The following ASIC2 variants were observed in gnomAD, a reference collection of about 807,000 sequenced individuals.
ASIC2 encodes acid-sensing ion channel 2.
Under a neutral mutation model 57.3 loss-of-function variants are expected in ASIC2, and 25 were observed. That is an observed-to-expected ratio of 0.44 (90% CI 0.32 to 0.61). ASIC2 has a LOEUF of 0.61. Among genes scored for constraint, ASIC2 ranks in the 20% least tolerant of loss-of-function variants. The pLI is 0.06. For synonymous variants in ASIC2, 319 were observed against 307.5 expected, an observed-to-expected ratio of 1.04 and a Z score of -0.39; for missense variants, 641 against 738.1, an observed-to-expected ratio of 0.87 and a Z score of 1.52.
At chr17:33,634,241 C>G (rs17782997) in intron 1 of ASIC2, among the ~76,000 whole-genome samples, 1 of 152,156 alleles carries the variant, frequency 6.6e-6, no homozygotes, top group South Asian at 2.1e-4. Flanking sequence ...TGTCTGGGCT[C>G]CAGATTTCAG....
rs150987033 is a variant in ASIC2, at chr17:33,345,831, T to C, written c.556-233764A>G. The stretch of plus-strand genomic sequence containing the variant: ...TGGGTGCTTGCATGGAGACCAGGAA[T>C]GAAAGGCACCAAAAATGAAAGCCAG... On this transcript the variant is annotated intron_variant, in intron 1 of 9. Coordinates refer to the ASIC2 transcript ENST00000359872. 3.8e-3 allele frequency among the ~76,000 whole-genome samples: 580 copies of C among 152,158 alleles called. 7 individuals are homozygous for C. Among genetic ancestry groups the C allele is most frequent in the Non-Finnish European group, 4.5e-3 (304 of 67,994 alleles).
intron 1 of ASIC2, among the ~76,000 whole-genome samples, chr17:33,991,045 C>T (rs1905986524): frequency 6.6e-6 from 1 of 152,180 alleles, no homozygotes; most frequent in Admixed American, 6.5e-5. Flanking sequence ...ACTCAAACAG[C>T]TTCTAAACCA....
At chr17:33,397,991 A>G (rs879528850) in intron 1 of ASIC2, among the ~76,000 whole-genome samples, 1 of 152,208 alleles carries the variant, frequency 6.6e-6, no homozygotes, top group Non-Finnish European at 1.5e-5. Context: ...AAAATCTTAG[A>G]GTGTGAAGTT....
chr17:33,715,484 G>A (rs1185122390), intron 1 of ASIC2, among the ~76,000 whole-genome samples: 1 of 152,164 alleles, frequency 6.6e-6, no homozygotes, highest in Admixed American at 6.5e-5. Context: ...GCTGTGTGGA[G>A]CAAAGCACAC....
intron 1 of ASIC2, among the ~76,000 whole-genome samples, chr17:33,309,277 A>G (rs1374191376): frequency 6.6e-6 from 1 of 151,986 alleles, no homozygotes; most frequent in Non-Finnish European, 1.5e-5. Flanking sequence ...CTTTTTCTTC[A>G]TATACCCCAT....
intron 1 of ASIC2, among the ~76,000 whole-genome samples, chr17:33,613,800 A>G (rs1338608050): frequency 6.6e-6 from 1 of 152,182 alleles, no homozygotes. Context: ...GGTCTTTCTC[A>G]TACTACTTAA....
At chr17:33,157,033 C>G (rs1372227021) in intron 1 of ASIC2, among the ~76,000 whole-genome samples, 1 of 151,996 alleles carries the variant, frequency 6.6e-6, no homozygotes, top group African/African-American at 2.4e-5. Flanking sequence ...GGGTCCCAGG[C>G]AGGTTACTGA....
intron 1 of ASIC2, among the ~76,000 whole-genome samples, chr17:33,327,778 G>A (rs1389181565): frequency 6.6e-6 from 1 of 152,214 alleles, no homozygotes; most frequent in Non-Finnish European, 1.5e-5. Flanking sequence ...TCCAGTAGCT[G>A]CGAATGTGAC....
intron 1 of ASIC2, among the ~76,000 whole-genome samples, chr17:33,487,719 G>T (rs8069555): frequency 6.6e-6 from 1 of 152,090 alleles, no homozygotes; most frequent in African/African-American, 2.4e-5. Flanking sequence ...AGCTGCCAGC[G>T]TGGCCAGAAT....
intron 1 of ASIC2, among the ~76,000 whole-genome samples, chr17:33,601,265 A>ACCCTG (rs1194207766): frequency 6.6e-6 from 1 of 152,192 alleles, no homozygotes; most frequent in Non-Finnish European, 1.5e-5. Flanking sequence ...TTACCAAAAG[A>ACCCTG]ATAGGAGAAA....
At chr17:33,148,207 T>C (rs1003586104) in intron 1 of ASIC2, among the ~76,000 whole-genome samples, 1 of 152,266 alleles carries the variant, frequency 6.6e-6, no homozygotes, top group Non-Finnish European at 1.5e-5. Flanking sequence ...GCAGACTTTA[T>C]GCTTTTAGTG....
chr17:34,085,754 G>C (rs975471906), intron 1 of ASIC2, among the ~76,000 whole-genome samples: 19 of 151,948 alleles, frequency 1.3e-4, no homozygotes, highest in Non-Finnish European at 2.5e-4. Flanking sequence ...ACTTCTTCCT[G>C]GTTTAGTCTT....
At chr17:33,546,109 G>A (rs1298103175) in intron 1 of ASIC2, among the ~76,000 whole-genome samples, 1 of 148,276 alleles carries the variant, frequency 6.7e-6, no homozygotes, top group African/African-American at 2.6e-5. Context: ...TCATATATAT[G>A]TGCATATATA....
chr17:33,737,485 A>ATTTTTTTTTTTTTT (rs1176628062), intron 1 of ASIC2, among the ~76,000 whole-genome samples: 8 of 151,044 alleles, frequency 5.3e-5, no homozygotes, highest in South Asian at 2.1e-4. Context: ...CGGATTAGAA[A>ATTTTTTTTTTTTTT]TATTTTTAAT....
At chr17:33,874,689 C>T (rs146171682) in intron 1 of ASIC2, among the ~76,000 whole-genome samples, 1 of 152,370 alleles carries the variant, frequency 6.6e-6, no homozygotes, top group East Asian at 1.9e-4. Flanking sequence ...CACCGTCCTA[C>T]TGGCATCCCC....
chr17:33,737,007 C>T (rs561758210), intron 1 of ASIC2, among the ~76,000 whole-genome samples: 2 of 152,366 alleles, frequency 1.3e-5, no homozygotes, highest in South Asian at 4.1e-4. Flanking sequence ...ATTTTGGCAC[C>T]TGTAACACTG....
At chr17:33,733,785 G>A (rs772340145) in intron 1 of ASIC2, among the ~76,000 whole-genome samples, 15 of 152,084 alleles carry the variant, frequency 9.9e-5, no homozygotes, top group Non-Finnish European at 1.6e-4. Flanking sequence ...CCTCGCTCCC[G>A]TTCAGATAGT....
intron 1 of ASIC2, among the ~76,000 whole-genome samples, chr17:33,121,659 C>A (rs2092302733): frequency 6.6e-6 from 1 of 152,138 alleles, no homozygotes; most frequent in East Asian, 1.9e-4. Context: ...CACACTGGAA[C>A]CTCACACCCT....
At chr17:33,763,845 C>T (rs775278812) in intron 1 of ASIC2, among the ~76,000 whole-genome samples, 1 of 152,138 alleles carries the variant, frequency 6.6e-6, no homozygotes, top group Admixed American at 6.5e-5. Context: ...TATGACTGAT[C>T]CAGGGCCCTT....
Sources: allele counts gnomAD v4.1 joint callset (sites outside exome capture counted in the v4.1 genomes callset), GRCh38; gene constraint gnomAD v4.1.1; transcripts MANE v1.5; gene names NCBI Gene and HGNC (gene_info 2026-07-23, HGNC 2026-07-21).